LARGE1: variants seen among roughly 807,000 people sequenced by gnomAD.
LARGE1 encodes LARGE xylosyl- and glucuronyltransferase 1.
Under a neutral mutation model 87.6 loss-of-function variants are expected in LARGE1, and 43 were observed. The ratio of observed to expected loss-of-function variants is 0.49; its 90% CI spans 0.38 to 0.63. The LOEUF is 0.63. Ranked by LOEUF, LARGE1 falls within the 30% of genes least tolerant of loss-of-function variation. The pLI, the probability that LARGE1 is intolerant of heterozygous loss-of-function variation, is 0.00. For synonymous variants in LARGE1, 434 were observed against 394.6 expected, an observed-to-expected ratio of 1.10 and a Z score of -1.18; for missense variants, 802 against 1,000.2, an observed-to-expected ratio of 0.80 and a Z score of 2.67.
intron 6 of LARGE1, among the ~76,000 whole-genome samples, chr22:33,550,349 C>T (rs900958668): frequency 6.6e-6 from 1 of 152,140 alleles, no homozygotes; most frequent in African/African-American, 2.4e-5. Flanking sequence ...TGGTTCTCAA[C>T]AGGGAAAGAC....
chr22:33,661,029 T>G (rs1037184695), intron 2 of LARGE1, among the ~76,000 whole-genome samples: 2 of 152,144 alleles, frequency 1.3e-5, no homozygotes, highest in Admixed American at 6.5e-5. Context: ...TTTTTGTAGC[T>G]AAAATCTTGT....
chr22:33,387,589 C>T (rs1020898246), intron 7 of LARGE1, among the ~76,000 whole-genome samples: 2 of 150,984 alleles, frequency 1.3e-5, no homozygotes, highest in African/African-American at 4.9e-5. Context: ...TTTTTGAAGC[C>T]TCTAGAGAGG....
chr22:33,858,675 C>T (rs2146569763), intron 1 of LARGE1, among the ~76,000 whole-genome samples: 1 of 152,294 alleles, frequency 6.6e-6, no homozygotes, highest in Non-Finnish European at 1.5e-5. Flanking sequence ...CCAGCTAGTC[C>T]TGTCTCTCAC....
chr22:33,743,203 G>C (rs537873329), intron 2 of LARGE1: 1 of 152,198 alleles, frequency 6.6e-6, no homozygotes, highest in East Asian at 1.9e-4. Flanking sequence ...ACAACCGTGA[G>C]TCAAATAAGC....
intron 3 of LARGE1, among the ~76,000 whole-genome samples, chr22:33,644,343 C>A (rs2080539811): frequency 6.6e-6 from 1 of 152,152 alleles, no homozygotes; most frequent in South Asian, 2.1e-4. Flanking sequence ...CAGAGAAGGT[C>A]TTCGATAAAA....
At chr22:33,246,552 C>T (rs1926768440) in intron 11 of LARGE1, among the ~76,000 whole-genome samples, 1 of 151,958 alleles carries the variant, frequency 6.6e-6, no homozygotes, top group African/African-American at 2.4e-5. Flanking sequence ...AGATTGGGGC[C>T]AGAGAATAGA....
intron 1 of LARGE1, among the ~76,000 whole-genome samples, chr22:33,912,312 C>T (rs1049223318): frequency 6.6e-6 from 1 of 152,068 alleles, no homozygotes; most frequent in Non-Finnish European, 1.5e-5. Context: ...CGCAGCAATC[C>T]CTAACCACAG....
intron 1 of LARGE1, among the ~76,000 whole-genome samples, chr22:33,790,706 C>G (rs1030757033): frequency 1.3e-5 from 2 of 152,096 alleles, no homozygotes; most frequent in African/African-American, 4.8e-5. Flanking sequence ...GGAAGCTGAC[C>G]AAAGTTTAAA....
At chr22:33,871,982 CAAA>C (rs58105742) in intron 1 of LARGE1, among the ~76,000 whole-genome samples, 4 of 86,784 alleles carry the variant, frequency 4.6e-5, no homozygotes, top group Non-Finnish European at 2.4e-5. Context: ...TCTAAATCAG[CAAA>C]AAAAAAAAAA....
chr22:33,823,144 T>C (rs1232058328), intron 1 of LARGE1, among the ~76,000 whole-genome samples: 2 of 152,186 alleles, frequency 1.3e-5, no homozygotes, highest in Non-Finnish European at 2.9e-5. Context: ...ATAAATGATG[T>C]ATTAAAAAAG....
At chr22:33,603,940 T>C (rs2079178060) in intron 5 of LARGE1, among the ~76,000 whole-genome samples, 1 of 152,232 alleles carries the variant, frequency 6.6e-6, no homozygotes, top group Non-Finnish European at 1.5e-5. Context: ...CATTCAAATA[T>C]ATTCTCTCAT....
chr22:33,389,257 A>G (rs1459388446), intron 7 of LARGE1, among the ~76,000 whole-genome samples: 1 of 152,272 alleles, frequency 6.6e-6, no homozygotes, highest in Non-Finnish European at 1.5e-5. Context: ...TAAATCAGGA[A>G]GAGCCTCGTA....
At chr22:33,370,788 A>G in intron 9 of LARGE1, among the ~76,000 whole-genome samples, 1 of 150,110 alleles carries the variant, frequency 6.7e-6, no homozygotes, top group Middle Eastern at 3.7e-3. Context: ...ATAAATATTA[A>G]TATTATCAAA....
intron 1 of LARGE1, among the ~76,000 whole-genome samples, chr22:33,903,169 T>C (rs1341733924): frequency 6.6e-6 from 1 of 152,078 alleles, no homozygotes; most frequent in Non-Finnish European, 1.5e-5. Context: ...AATGAGGTCA[T>C]TAGGGTGGGC....
chr22:33,561,289 G>A (rs955484662), intron 6 of LARGE1, among the ~76,000 whole-genome samples: 9 of 152,142 alleles, frequency 5.9e-5, no homozygotes, highest in African/African-American at 2.2e-4. Flanking sequence ...ACCAGGGGCT[G>A]CCCCAGGCTG....
Position 33,241,838 on chromosome 22 carries a change from C to T in LARGE1, c.1730+62391G>A, listed in dbSNP as rs117424851. Among the ~76,000 whole-genome samples the T allele has an allele frequency of 5.9e-5, 9 of 152,084 alleles. No individual in the cohort carries two copies. The East Asian group carries it at 9.7e-4, about 16-fold the overall frequency. On this transcript the variant is annotated intron_variant, in intron 11 of 11. Coordinates refer to the LARGE1 transcript ENST00000608642. ...CAAGTAGAGAGTAGGATGATGGTTA[C>T]CAAGGGCTGGGGGACGGGAGAGGAT...
intron 6 of LARGE1, among the ~76,000 whole-genome samples, chr22:33,521,874 A>G (rs953236073): frequency 1.3e-5 from 2 of 152,230 alleles, no homozygotes; most frequent in Non-Finnish European, 2.9e-5. Context: ...TGCAGACTAT[A>G]TACAAAGCAT....
At chr22:33,913,699 A>G (rs1455457511) in intron 1 of LARGE1, among the ~76,000 whole-genome samples, 1 of 151,816 alleles carries the variant, frequency 6.6e-6, no homozygotes, top group Admixed American at 6.6e-5. Flanking sequence ...ACGCGCCACC[A>G]TGCCCAGCTA....
chr22:33,911,559 C>G (rs545238279), intron 1 of LARGE1, among the ~76,000 whole-genome samples: 1 of 152,178 alleles, frequency 6.6e-6, no homozygotes, highest in East Asian at 1.9e-4. Context: ...ATTTCATAAT[C>G]ATCGTCATCC....
Sources: gnomAD v4.1 joint callset for allele counts (sites outside exome capture counted in the v4.1 genomes callset) on GRCh38, gnomAD v4.1.1 for gene constraint, MANE v1.5 for transcripts, NCBI Gene and HGNC (gene_info 2026-07-23, HGNC 2026-07-21) for gene names.